PHOSPHO2: variants seen among roughly 807,000 people sequenced by gnomAD.
PHOSPHO2 encodes the protein phosphatase, orphan 2.
A neutral mutation model predicts 16.4 loss-of-function variants in PHOSPHO2; 14 were observed. The observed-to-expected ratio is 0.85, with a 90% CI of 0.56 to 1.33. The LOEUF (loss-of-function observed/expected upper bound fraction) is 1.33, where lower values mean the gene tolerates loss of function less well. Among genes scored for constraint, PHOSPHO2 ranks in the 40% most tolerant of loss-of-function variants. The probability of loss-of-function intolerance (pLI) is 0.00; values close to 1 mark genes in which losing one functional copy is unlikely to be tolerated. For missense variants in PHOSPHO2, 246 were observed against 282.5 expected (o/e 0.87, Z 0.93); for synonymous variants, 85 against 90.5 (o/e 0.94, Z 0.34).
intron 3 of PHOSPHO2, among the ~76,000 whole-genome samples, chr2:169,700,493 A>G (rs2105600555): frequency 6.6e-6 from 1 of 152,050 alleles, no homozygotes; most frequent in Non-Finnish European, 1.5e-5. Flanking sequence ...CTTTTCTTAA[A>G]AAGTTATTTT....
chr2:169,694,482 G>C lies in PHOSPHO2; in HGVS notation c.-371G>C, dbSNP rs1687426688. ...AAGGGAGGTGCTGCAGTTGGCGGTC[G>C]GGCTAGAGAAGAGAGGCGCCTGCGC... On this transcript the variant is annotated 5_prime_UTR_variant, in exon 1 of 4. Transcript: ENST00000359744. The C allele has an allele frequency of 5.4e-6, 4 of 736,758 alleles. No individual in the cohort carries two copies. The highest frequency in any genetic ancestry group is 4.1e-5 in the Admixed American group (2 of 48,286). 45.6% of individuals were successfully genotyped at this position (736,758 alleles called of 1,614,324 possible). A position where few individuals can be genotyped will look rare whatever the true frequency, so the allele number is the denominator to read the frequency against.
chr2:169,695,746 G>T (rs1275341219), intron 2 of PHOSPHO2, among the ~76,000 whole-genome samples: 2 of 152,146 alleles, frequency 1.3e-5, no homozygotes, highest in East Asian at 3.8e-4. Flanking sequence ...TTCATTTCAG[G>T]AATGAATTAC....
chr2:169,700,849 T>C (rs1687726988), intron 3 of PHOSPHO2, 97 bp from the exon 4 acceptor site: 1 of 1,226,732 alleles, frequency 8.2e-7, no homozygotes, highest in South Asian at 1.7e-5. Flanking sequence ...TATTCCTCCC[T>C]TTAGCAGATT....
chr2:169,696,715 A>G (rs1329521778), intron 2 of PHOSPHO2, among the ~76,000 whole-genome samples: 1 of 152,218 alleles, frequency 6.6e-6, no homozygotes, highest in Non-Finnish European at 1.5e-5. Flanking sequence ...TTAAAACTAA[A>G]TCTTTGTTCA....
intron 3 of PHOSPHO2, among the ~76,000 whole-genome samples, 151 bp from the exon 4 acceptor site, chr2:169,700,795 A>G (rs1347065466): frequency 6.6e-6 from 1 of 152,132 alleles, no homozygotes; most frequent in Admixed American, 6.6e-5. Context: ...TCTTAGAGAA[A>G]AGTGGTTAGG....
intron 2 of PHOSPHO2, among the ~76,000 whole-genome samples, chr2:169,695,777 T>A (rs1236357051): frequency 6.6e-6 from 1 of 152,066 alleles, no homozygotes; most frequent in Non-Finnish European, 1.5e-5. Flanking sequence ...AGCCAGTAAA[T>A]CAGCAATTTC....
intron 3 of PHOSPHO2, among the ~76,000 whole-genome samples, chr2:169,699,068 T>C (rs1687652492): frequency 6.6e-6 from 1 of 151,984 alleles, no homozygotes; most frequent in East Asian, 1.9e-4. Context: ...GTAGATTTGT[T>C]ACATAGGTAA....
rs1687426541 is a variant in PHOSPHO2, at chr2:169,694,478, G to T, written c.-375G>T. ...GAACAAGGGAGGTGCTGCAGTTGGC[G>T]GTCGGGCTAGAGAAGAGAGGCGCCT... On this transcript the variant is annotated 5_prime_UTR_variant, in exon 1 of 4. Transcript: ENST00000359744. 2.7e-6 allele frequency: 2 copies of T among 750,356 alleles called. No homozygotes were observed. The highest frequency in any genetic ancestry group is 1.5e-5 in the South Asian group (1 of 66,624). The allele number at this position is 750,356 out of a possible 1,614,324, so 46.5% of individuals were successfully genotyped here.
Position 169,701,199 on chromosome 2 carries a change from A to T in PHOSPHO2, c.228A>T (p.Pro76=). The part of the protein sequence containing the change: ...KRAVTSLPFT[P]GMVELFNFIR... ...CAGTGACATCATTGCCTTTCACTCC[A>T]GGGATGGTGGAACTCTTCAACTTTA... Residue 76 remains proline (P), a synonymous_variant, in exon 4 of 4, where the codon CCA becomes CCT. Transcript: ENST00000359744. The T allele has an allele frequency of 6.2e-7, 1 of 1,614,070 alleles. No homozygotes were observed. Among genetic ancestry groups the T allele is most frequent in the Admixed American group, 1.7e-5 (1 of 60,028 alleles).
At chr2:169,695,541 G>A (rs960044353) in intron 2 of PHOSPHO2, among the ~76,000 whole-genome samples, 4 of 152,108 alleles carry the variant, frequency 2.6e-5, no homozygotes, top group African/African-American at 4.8e-5. Flanking sequence ...GGAGGCTGAG[G>A]CAGGAGAATG....
Position 169,694,550 on chromosome 2 carries a change from G to C in PHOSPHO2, c.-303G>C. On this transcript the variant is annotated 5_prime_UTR_variant, in exon 1 of 4. Transcript: ENST00000359744. ...GAGTGGGGCTGCCGAGAGGGCAGGC[G>C]TGGGGCGAGGCCAAAGGACTGAACC... 1.6e-6 allele frequency: 1 copy of C among 606,214 alleles called. No individual in the cohort carries two copies. The allele number at this position is 606,214 out of a possible 1,614,324, so 37.6% of individuals were successfully genotyped here. A position where few individuals can be genotyped will look rare whatever the true frequency, so the allele number is the denominator to read the frequency against.
chr2:169,696,384 T>C (rs1436536259), intron 2 of PHOSPHO2, among the ~76,000 whole-genome samples: 1 of 152,232 alleles, frequency 6.6e-6, no homozygotes, highest in Non-Finnish European at 1.5e-5. Context: ...CCACTGCACA[T>C]GTAAACATTT....
intron 3 of PHOSPHO2, among the ~76,000 whole-genome samples, chr2:169,699,562 T>C (rs771750439): frequency 3.3e-5 from 5 of 152,138 alleles, no homozygotes; most frequent in Non-Finnish European, 5.9e-5. Flanking sequence ...CTGGGTCAAG[T>C]GGTATTTCTG....
In PHOSPHO2 at chr2:169,701,280, CT is replaced by C; in HGVS notation, c.311del (p.Phe104SerfsTer2). ...CIIISDSNSV[F>X]IDWVLEAASF... ...TTATTATTTCAGATTCAAATTCGGTCTTCATAGATTGGGTTTTAGAAGCTGC... is the reference window on the plus strand; with the variant it reads ...TTATTATTTCAGATTCAAATTCGGTCTCATAGATTGGGTTTTAGAAGCTGC... On this transcript the variant is annotated frameshift_variant, in exon 4 of 4. Coordinates refer to ENST00000359744, the MANE Select transcript of PHOSPHO2 (RefSeq NM_001008489.4). LOFTEE classifies it high-confidence loss of function. 6.2e-7 allele frequency: 1 copy of C among 1,613,314 alleles called. No homozygotes were observed. Among genetic ancestry groups the C allele is most frequent in the Non-Finnish European group, 8.5e-7 (1 of 1,179,680 alleles).
At chr2:169,698,243 G>A (rs1687617779) in intron 3 of PHOSPHO2, 1 of 152,110 alleles carries the variant, frequency 6.6e-6, no homozygotes, top group South Asian at 2.1e-4. Context: ...GTGGTGTTAT[G>A]GTTAGTGTGT....
Position 169,701,456 on chromosome 2 carries a change from A to G in PHOSPHO2, c.485A>G (p.Asp162Gly), listed in dbSNP as rs558426969. 6 of 1,612,540 alleles carry G rather than the reference A, an allele frequency of 3.7e-6. No homozygotes were observed. Among genetic ancestry groups the G allele is most frequent in the East Asian group, 2.2e-5 (1 of 44,842 alleles). The change falls in exon 4 of 4, where the codon GAT (aspartate) becomes GGT (glycine). Residue 162 changes from aspartate (D) to glycine (G), a missense_variant. Transcript: ENST00000359744. ...AAGGTAGTTTTGATAGAATTTGTAG[A>G]TAAACAGTTACAACAGGGAGTGAAT... ...CKKVVLIEFVDKQLQQGVNYT... is the reference protein window; with the variant it reads ...CKKVVLIEFVGKQLQQGVNYT...
intron 3 of PHOSPHO2, among the ~76,000 whole-genome samples, chr2:169,700,576 A>G (rs1056266251): frequency 1.3e-5 from 2 of 151,992 alleles, no homozygotes; most frequent in African/African-American, 4.8e-5. Flanking sequence ...TCCTTTATAC[A>G]TGATCTGTTA....
At chr2:169,699,774 G>A (rs146253894) in intron 3 of PHOSPHO2, among the ~76,000 whole-genome samples, 370 of 152,208 alleles carry the variant, frequency 2.4e-3, no homozygotes, top group Non-Finnish European at 4.3e-3. Flanking sequence ...TTTCTCTAAT[G>A]ATCAGTGATG....
intron 3 of PHOSPHO2, among the ~76,000 whole-genome samples, chr2:169,700,387 T>C (rs1687710902): frequency 8.0e-6 from 1 of 124,468 alleles, no homozygotes; most frequent in Admixed American, 7.3e-5. Flanking sequence ...AAGGAAGGGG[T>C]CCAGTTTGTT....
Sources: allele counts gnomAD v4.1 joint callset (sites outside exome capture counted in the v4.1 genomes callset), GRCh38; gene constraint gnomAD v4.1.1; transcripts MANE v1.5; gene names NCBI Gene and HGNC (gene_info 2026-07-23, HGNC 2026-07-21).